The following EFHD1 variants were observed in gnomAD, a reference collection of about 807,000 sequenced individuals.
EFHD1 encodes the protein EF-hand domain-containing protein D1.
Under a neutral mutation model 17.2 loss-of-function variants are expected in EFHD1, and 10 were observed. The ratio of observed to expected loss-of-function variants is 0.58; its 90% CI spans 0.36 to 0.99. The LOEUF (loss-of-function observed/expected upper bound fraction) is 0.99, where lower values mean the gene tolerates loss of function less well. Ranked by LOEUF, EFHD1 falls within the 50% of genes least tolerant of loss-of-function variation. The pLI, the probability that EFHD1 is intolerant of heterozygous loss-of-function variation, is 0.01. For missense variants in EFHD1, 310 were observed against 327.5 expected, an observed-to-expected ratio of 0.95 and a Z score of 0.41; for synonymous variants, 153 against 142.0, an observed-to-expected ratio of 1.08 and a Z score of -0.55.
At chr2:232,658,926 A>G (rs1694810906) in intron 1 of EFHD1, among the ~76,000 whole-genome samples, 1 of 152,200 alleles carries the variant, frequency 6.6e-6, no homozygotes, top group African/African-American at 2.4e-5. Context: ...TTTTTTAAAA[A>G]AAACTTAGAA....
intron 1 of EFHD1, among the ~76,000 whole-genome samples, chr2:232,624,656 C>T (rs7566190): frequency 0.029 from 4,432 of 152,350 alleles, 206 homozygotes; most frequent in African/African-American, 0.1. Context: ...TTGTGTGAAT[C>T]ACTTTAAGGG....
At chr2:232,642,845 A>G (rs1317177435) in intron 1 of EFHD1, among the ~76,000 whole-genome samples, 1 of 152,096 alleles carries the variant, frequency 6.6e-6, no homozygotes, top group African/African-American at 2.4e-5. Context: ...ATGTTCTTAC[A>G]CAAGATTGTG....
intron 1 of EFHD1, chr2:232,638,483 A>C (rs1284561226): frequency 6.4e-6 from 3 of 470,830 alleles, no homozygotes; most frequent in Non-Finnish European, 1.3e-5. Context: ...AAACCCAAAA[A>C]GGTGAGGCTG....
chr2:232,648,061 G>A (rs926746510), intron 1 of EFHD1, among the ~76,000 whole-genome samples: 2 of 152,130 alleles, frequency 1.3e-5, no homozygotes, highest in Non-Finnish European at 2.9e-5. Context: ...GCAACATGGC[G>A]AAACTCTGTC....
chr2:232,675,556 C>T lies in EFHD1; in HGVS notation c.585+3113C>T, dbSNP rs78938585. Among the ~76,000 whole-genome samples, 342 of 152,282 alleles carry T rather than the reference C, an allele frequency of 2.2e-3. 6 individuals carry two copies. Among genetic ancestry groups the T allele is most frequent in the Admixed American group, 0.017 (263 of 15,300 alleles). Reference sequence around the variant, plus strand: ...TTTCTCCAAGGTGGGTTTCAGGAAACGTGTAGTCGATGGAGCTGTGACATG... The same window carrying T: ...TTTCTCCAAGGTGGGTTTCAGGAAATGTGTAGTCGATGGAGCTGTGACATG... On this transcript the variant is annotated intron_variant, in intron 3 of 3. Coordinates refer to ENST00000264059, the MANE Select transcript of EFHD1 (RefSeq NM_025202.4).
chr2:232,620,988 G>C (rs928157026), intron 1 of EFHD1, among the ~76,000 whole-genome samples: 1 of 152,146 alleles, frequency 6.6e-6, no homozygotes, highest in Non-Finnish European at 1.5e-5. Context: ...GAGGGGCACG[G>C]ATGGCAAGGA....
Position 232,633,933 on chromosome 2 carries a change from G to A in EFHD1, c.229G>A (p.Val77Ile), listed in dbSNP as rs1274964605. 3.1e-6 allele frequency: 5 copies of A among 1,596,202 alleles called. No homozygotes were observed. The highest frequency in any genetic ancestry group is 4.2e-6 in the Non-Finnish European group (5 of 1,178,844). Residue 77 changes from valine to isoleucine, a missense_variant, in exon 1 of 4, where the codon GTC becomes ATC. Val to Ile is a conservative substitution (Grantham distance 29, BLOSUM62 3). Coordinates refer to ENST00000264059, the MANE Select transcript of EFHD1 (RefSeq NM_025202.4). ...EGAARPRRCR[V>I]FNPYTEFPEF... The stretch of plus-strand genomic sequence containing the variant: ...CGCTGCGCGGCCCCGGCGCTGCAGG[G>A]TCTTCAACCCCTACACGGAGTTCCC...
intron 1 of EFHD1, among the ~76,000 whole-genome samples, chr2:232,652,526 C>T (rs879479643): frequency 4.6e-5 from 7 of 152,148 alleles, no homozygotes; most frequent in Non-Finnish European, 8.8e-5. Flanking sequence ...CTACTAATAA[C>T]CACTTCACAG....
At chr2:232,620,387 CAAA>C (rs78046050) in intron 1 of EFHD1, among the ~76,000 whole-genome samples, 6 of 81,852 alleles carry the variant, frequency 7.3e-5, no homozygotes, top group South Asian at 4.2e-4. Context: ...GACTCCATCT[CAAA>C]AAAAAAAAAA....
chr2:232,618,746 A>C (rs1433403815), intron 1 of EFHD1, among the ~76,000 whole-genome samples: 2 of 151,830 alleles, frequency 1.3e-5, no homozygotes, highest in Non-Finnish European at 2.9e-5. Flanking sequence ...AATTTTGAAA[A>C]AAGGGAAATA....
rs71056285 is a variant in EFHD1 at position 232,627,079 on chromosome 2, T to TTAA, written c.14+20906_14+20907insTAA. Among the ~76,000 whole-genome samples the TTAA allele has an allele frequency of 1.4e-3, 182 of 132,820 alleles. 4 individuals are homozygous for TTAA. The highest frequency in any genetic ancestry group is 5.1e-3 in the African/African-American group (177 of 34,954). 87.1% of individuals were successfully genotyped at this position (132,820 alleles called of 152,430 possible). A position where few individuals can be genotyped will look rare whatever the true frequency, so the allele number is the denominator to read the frequency against. ...ATATATATATATTTTTTTTTTTTTT[T>TTAA]AATTAGCCAGTTGTGGTGGCACACA... On this transcript the variant is annotated intron_variant, in intron 1 of 3. Coordinates refer to the EFHD1 transcript ENST00000409613.
At chr2:232,611,949 C>A (rs555214489) in intron 1 of EFHD1, 1 of 152,340 alleles carries the variant, frequency 6.6e-6, no homozygotes, top group South Asian at 2.1e-4. Flanking sequence ...CTGGCCTTTA[C>A]CTTTTGGGTG....
intron 1 of EFHD1, 152 bp from the exon 2 acceptor site, chr2:232,662,650 G>T: frequency 1.0e-6 from 1 of 968,876 alleles, no homozygotes; most frequent in Non-Finnish European, 1.4e-6. Context: ...TCTGAGGAGA[G>T]AGGGGTTCCT....
chr2:232,642,373 C>CAAAAAAAAAA (rs764647177), intron 1 of EFHD1, among the ~76,000 whole-genome samples: 1 of 68,964 alleles, frequency 1.5e-5, no homozygotes, highest in Non-Finnish European at 2.6e-5. Flanking sequence ...GACTCTGTCT[C>CAAAAAAAAAA]AAAAAAAAAA....
At chr2:232,627,638 A>G (rs1694130556) in intron 1 of EFHD1, among the ~76,000 whole-genome samples, 1 of 152,162 alleles carries the variant, frequency 6.6e-6, no homozygotes, top group Admixed American at 6.5e-5. Context: ...AGCAGATGTG[A>G]TATCTAACTA....
chr2:232,674,721 C>T (rs1173527255), intron 3 of EFHD1, among the ~76,000 whole-genome samples: 2 of 152,014 alleles, frequency 1.3e-5, no homozygotes, highest in South Asian at 4.1e-4. Flanking sequence ...TGGAGGGCAT[C>T]GTCACTGGAT....
chr2:232,662,207 A>G (rs1471320194), intron 1 of EFHD1, among the ~76,000 whole-genome samples: 1 of 152,112 alleles, frequency 6.6e-6, no homozygotes, highest in African/African-American at 2.4e-5. Flanking sequence ...ACAGAGTCAG[A>G]GCCCTCTTGG....
intron 1 of EFHD1, among the ~76,000 whole-genome samples, chr2:232,636,022 G>A (rs780530764): frequency 1.3e-5 from 2 of 152,172 alleles, no homozygotes; most frequent in Admixed American, 6.5e-5. Flanking sequence ...GGATCTAGGC[G>A]CTTAGGTGCT....
intron 1 of EFHD1, among the ~76,000 whole-genome samples, chr2:232,609,094 C>T (rs1483466368): frequency 9.3e-6 from 1 of 107,564 alleles, no homozygotes; most frequent in Non-Finnish European, 1.7e-5. Flanking sequence ...GAGTCTTGCT[C>T]TGTCACCCAG....
Sources: gnomAD v4.1 joint callset for allele counts (sites outside exome capture counted in the v4.1 genomes callset) on GRCh38, gnomAD v4.1.1 for gene constraint, MANE v1.5 for transcripts, NCBI Gene and HGNC (gene_info 2026-07-23, HGNC 2026-07-21) for gene names.